The following APOE variants were observed in gnomAD, a reference collection of about 807,000 sequenced individuals.
The protein encoded by APOE is apolipoprotein E.
Under a neutral mutation model 13.1 loss-of-function variants are expected in APOE, and 10 were observed. The observed-to-expected ratio is 0.76, with a 90% CI of 0.47 to 1.29. APOE has a LOEUF of 1.29. Among genes scored for constraint, APOE ranks in the 50% most tolerant of loss-of-function variants. APOE has a pLI of 0.00. For missense variants in APOE, 471 were observed against 459.6 expected, an observed-to-expected ratio of 1.02 and a Z score of -0.23; for synonymous variants, 211 against 207.1, an observed-to-expected ratio of 1.02 and a Z score of -0.16.
chr19:44,906,650 T>C lies in APOE; in HGVS notation c.26T>C (p.Leu9Pro), dbSNP rs779278130. MKVLWAAL[L>P]VTFLAGCQAK... is the part of the protein sequence containing the mutation. The stretch of plus-strand genomic sequence containing the variant: ...ATGAAGGTTCTGTGGGCTGCGTTGC[T>C]GGTCACATTCCTGGCAGGTATGGGG... Residue 9 changes from leucine to proline, a missense_variant, in exon 2 of 4, where the codon CTG becomes CCG. Physicochemically the swap from Leu to Pro is moderately conservative, Grantham distance 98. Coordinates refer to ENST00000252486, the MANE Select transcript of APOE (RefSeq NM_000041.4). 1 of 1,614,044 alleles carries C rather than the reference T, an allele frequency of 6.2e-7. No homozygotes were observed. The highest frequency in any genetic ancestry group is 8.5e-7 in the Non-Finnish European group (1 of 1,179,994).
In APOE at chr19:44,907,787, T is replaced by TGGAGACAGAGCC. The variant is rs749018009; in HGVS notation, c.76_87dup (p.Thr26_Glu29dup). On this transcript the variant is annotated inframe_insertion, in exon 3 of 4. Transcript: ENST00000252486. The surrounding 1 kb of genome is among the most constrained non-coding windows in gnomAD (Gnocchi z 4.1). ...TGCCAGGCCAAGGTGGAGCAAGCGG[T>TGGAGACAGAGCC]GGAGACAGAGCCGGAGCCCGAGCTG... 11 of 1,613,030 alleles carry TGGAGACAGAGCC rather than the reference T, an allele frequency of 6.8e-6. No individual in the cohort carries two copies. The South Asian group carries it at 1.2e-4, about 18-fold the overall frequency.
rs1334600571 is a variant in APOE at position 44,908,558 on chromosome 19, G to A, written c.262G>A (p.Glu88Lys). 1 of 1,613,768 alleles carries A rather than the reference G, an allele frequency of 6.2e-7. No individual in the cohort carries two copies. Among genetic ancestry groups the A allele is most frequent in the Non-Finnish European group, 8.5e-7 (1 of 1,179,736 alleles). ...LRALMDETMK[E>K]LKAYKSELEE... ...GGCGCTGATGGACGAGACCATGAAG[G>A]AGTTGAAGGCCTACAAATCGGAACT... The change falls in exon 4 of 4, where the codon GAG becomes AAG. Residue 88 changes from glutamate to lysine, a missense_variant. Coordinates refer to ENST00000252486, the MANE Select transcript of APOE (RefSeq NM_000041.4).
At position 44,908,884 on chromosome 19, in the gene APOE, C is replaced by A. The variant is rs992491839; in HGVS notation, c.588C>A (p.Arg196=). The change falls in exon 4 of 4, where the codon CGC becomes CGA. Residue 196 remains arginine, a synonymous_variant. Coordinates refer to ENST00000252486, the MANE Select transcript of APOE (RefSeq NM_000041.4). ...EGAERGLSAI[R]ERLGPLVEQG... ...CCGAGCGCGGCCTCAGCGCCATCCG[C>A]GAGCGCCTGGGGCCCCTGGTGGAAC... The A allele has an allele frequency of 1.3e-6, 2 of 1,488,814 alleles. No homozygotes were observed. Among genetic ancestry groups the A allele is most frequent in the African/African-American group, 2.9e-5 (2 of 68,932 alleles). 92.2% of individuals were successfully genotyped at this position (1,488,814 alleles called of 1,614,324 possible).
Position 44,909,360 on chromosome 19 carries a change from C to T in APOE, c.*110C>T, listed in dbSNP as rs1969894080. On this transcript the variant is annotated 3_prime_UTR_variant, in exon 4 of 4. Transcript: ENST00000252486. ...CCCCAGCCGTCCTCCTGGGGTGGAC[C>T]CTAGTTTAATAAAGATTCACCAAGT... The T allele has an allele frequency of 1.0e-6, 1 of 1,004,268 alleles. No homozygotes were observed. Among genetic ancestry groups the T allele is most frequent in the Admixed American group, 2.1e-5 (1 of 48,690 alleles). The allele number at this position is 1,004,268 out of a possible 1,614,324, so 62.2% of individuals were successfully genotyped here.
In APOE at chr19:44,909,196, G is replaced by C. The variant is rs780067631; in HGVS notation, c.900G>C (p.Lys300Asn). The change falls in exon 4 of 4, where the codon AAG becomes AAC. Residue 300 changes from lysine (K) to asparagine (N), a missense_variant. Physicochemically the swap from Lys to Asn is moderately conservative, Grantham distance 94. Coordinates refer to ENST00000252486, the MANE Select transcript of APOE (RefSeq NM_000041.4). The stretch of plus-strand genomic sequence containing the variant: ...GCCAGTGGGCCGGGCTGGTGGAGAA[G>C]GTGCAGGCTGCCGTGGGCACCAGCG... Reference protein sequence around the residue: ...MQRQWAGLVEKVQAAVGTSAA... With the variant: ...MQRQWAGLVENVQAAVGTSAA... 1.9e-6 allele frequency: 3 copies of C among 1,597,864 alleles called. No individual in the cohort carries two copies. Among genetic ancestry groups the C allele is most frequent in the Non-Finnish European group, 2.5e-6 (3 of 1,178,866 alleles).
chr19:44,908,504 G>C lies in APOE; in HGVS notation c.237-29G>C, dbSNP rs369705950. On this transcript the variant is annotated intron_variant, in intron 3 of 3. Coordinates refer to ENST00000252486, the MANE Select transcript of APOE (RefSeq NM_000041.4). Reference sequence around the variant, plus strand: ...AGCCCTTCTCCCCGCCTCCCACTGTGCGACACCCTCCCGCCCTCTCGGCCG... The same window carrying C: ...AGCCCTTCTCCCCGCCTCCCACTGTCCGACACCCTCCCGCCCTCTCGGCCG... The C allele has an allele frequency of 2.1e-5, 34 of 1,609,858 alleles. No individual in the cohort carries two copies. The Middle Eastern group carries it at 6.6e-4, about 31-fold the overall frequency.
In APOE at chr19:44,909,021, G is replaced by T; in HGVS notation, c.725G>T (p.Arg242Leu). The T allele has an allele frequency of 6.5e-7, 1 of 1,539,964 alleles. No homozygotes were observed. The change falls in exon 4 of 4, where the codon CGG (arginine) becomes CTG (leucine). Residue 242 changes from arginine (R) to leucine (L), a missense_variant. Transcript: ENST00000252486. The stretch of plus-strand genomic sequence containing the variant: ...GCGCGGATGGAGGAGATGGGCAGCC[G>T]GACCCGCGACCGCCTGGACGAGGTG... Reference protein sequence around the residue: ...LRARMEEMGSRTRDRLDEVKE... With the variant: ...LRARMEEMGSLTRDRLDEVKE...
intron 1 of APOE, 143 bp downstream of exon 1, chr19:44,905,984 A>G (rs996148304): frequency 1.6e-6 from 2 of 1,225,612 alleles, no homozygotes; most frequent in Non-Finnish European, 2.1e-6. Flanking sequence ...GGGTGAGGCA[A>G]GCAGCAGGGG....
chr19:44,909,322 G>A lies in APOE; in HGVS notation c.*72G>A. On this transcript the variant is annotated 3_prime_UTR_variant, in exon 4 of 4. Coordinates refer to ENST00000252486, the MANE Select transcript of APOE (RefSeq NM_000041.4). ...TGCCTCCGCGCAGCCTGCAGCGGGA[G>A]ACCCTGTCCCCGCCCCAGCCGTCCT... 1 of 1,436,908 alleles carries A rather than the reference G, an allele frequency of 7.0e-7. No individual in the cohort carries two copies. Among genetic ancestry groups the A allele is most frequent in the Non-Finnish European group, 9.6e-7 (1 of 1,039,460 alleles). The allele number at this position is 1,436,908 out of a possible 1,614,324, so 89.0% of individuals were successfully genotyped here.
chr19:44,906,635 TG>T lies in APOE; in HGVS notation c.12del (p.Trp5GlyfsTer74). On this transcript the variant is annotated frameshift_variant, in exon 2 of 4. Coordinates refer to ENST00000252486, the MANE Select transcript of APOE (RefSeq NM_000041.4). LOFTEE classifies it high-confidence loss of function. MKVLWAALLVTFLA... is the reference protein window; with the variant it reads MKVXWAALLVTFLA... ...ATCACAGGCAGGAAGATGAAGGTTC[TG>T]TGGGCTGCGTTGCTGGTCACATTCC... 1 of 1,614,124 alleles carries T rather than the reference TG, an allele frequency of 6.2e-7. No homozygotes were observed. The highest frequency in any genetic ancestry group is 8.5e-7 in the Non-Finnish European group (1 of 1,180,016).
At chr19:44,908,408 C>T (rs1969850336) in intron 3 of APOE, 125 bp from the exon 4 acceptor site, 3 of 939,370 alleles carry the variant, frequency 3.2e-6, no homozygotes, top group African/African-American at 1.6e-5. Context: ...CTCCTTCTCT[C>T]GGCCTCTGCC....
At chr19:44,906,283 G>A in intron 1 of APOE, 1 of 465,420 alleles carries the variant, frequency 2.1e-6, no homozygotes, top group South Asian at 2.2e-5. Context: ...AGAATGTGAA[G>A]GGAGAATGAG....
chr19:44,906,950 G>A (rs1969820509), intron 2 of APOE: 1 of 474,346 alleles, frequency 2.1e-6, no homozygotes, highest in East Asian at 3.9e-5. Context: ...GCGGGATCTC[G>A]GCTCACTGCA....
In APOE at chr19:44,908,675, G is replaced by C; in HGVS notation, c.379G>C (p.Glu127Gln). The stretch of plus-strand genomic sequence containing the variant: ...GCAGGCCCGGCTGGGCGCGGACATG[G>C]AGGACGTGTGCGGCCGCCTGGTGCA... ...AAQARLGADM[E>Q]DVCGRLVQYR... The change falls in exon 4 of 4, where the codon GAG becomes CAG. Residue 127 changes from glutamate to glutamine, a missense_variant. Transcript: ENST00000252486. 2.5e-6 allele frequency: 4 copies of C among 1,575,384 alleles called. No homozygotes were observed. In the South Asian group the frequency reaches 3.4e-5, roughly 14 times the overall value.
Position 44,909,144 on chromosome 19 carries a change from TC to T in APOE, c.849del (p.Phe283LeufsTer?). ...EAFQARLKSW[F>X]EPLVEDMQRQ... is the part of the protein sequence containing the mutation. ...TTCCAGGCCCGCCTCAAGAGCTGGTTCGAGCCCCTGGTGGAAGACATGCAGC... is the reference window on the plus strand; with the variant it reads ...TTCCAGGCCCGCCTCAAGAGCTGGTTGAGCCCCTGGTGGAAGACATGCAGC... On this transcript the variant is annotated frameshift_variant, in exon 4 of 4. Coordinates refer to ENST00000252486, the MANE Select transcript of APOE (RefSeq NM_000041.4). LOFTEE classifies it low-confidence loss of function (END_TRUNC). 1.9e-6 allele frequency: 3 copies of T among 1,601,628 alleles called. No homozygotes were observed. The African/African-American group carries it at 4.0e-5, about 21-fold the overall frequency.
chr19:44,908,739 C>T lies in APOE; in HGVS notation c.443C>T (p.Thr148Ile), dbSNP rs1032082950. The change falls in exon 4 of 4, where the codon ACC becomes ATC. Residue 148 changes from threonine (T) to isoleucine (I), a missense_variant. By Grantham distance (89) the Thr-to-Ile change is moderately conservative. Coordinates refer to ENST00000252486, the MANE Select transcript of APOE (RefSeq NM_000041.4). ...GEVQAMLGQS[T>I]EELRVRLASH... The stretch of plus-strand genomic sequence containing the variant: ...GTGCAGGCCATGCTCGGCCAGAGCA[C>T]CGAGGAGCTGCGGGTGCGCCTCGCC... 1 of 1,560,472 alleles carries T rather than the reference C, an allele frequency of 6.4e-7. No individual in the cohort carries two copies. The highest frequency in any genetic ancestry group is 8.7e-7 in the Non-Finnish European group (1 of 1,153,456).
In APOE at chr19:44,906,541, G is replaced by A. The variant is rs1332317512; in HGVS notation, c.-23-61G>A. Reference sequence around the variant, plus strand: ...TAACCTGGGGTGAGGCCGGGTTGGGGCCGGGCTGGGGGTGGGAGGAGTCCT... The same window carrying A: ...TAACCTGGGGTGAGGCCGGGTTGGGACCGGGCTGGGGGTGGGAGGAGTCCT... On this transcript the variant is annotated intron_variant, in intron 1 of 3. Coordinates refer to ENST00000252486, the MANE Select transcript of APOE (RefSeq NM_000041.4). 35 of 1,592,626 alleles carry A rather than the reference G, an allele frequency of 2.2e-5. No homozygotes were observed. In the East Asian group the frequency reaches 7.1e-4, roughly 33 times the overall value.
Position 44,909,261 on chromosome 19 carries a change from C to A in APOE, c.*11C>A, listed in dbSNP as rs1479479578. On this transcript the variant is annotated 3_prime_UTR_variant, in exon 4 of 4. Coordinates refer to ENST00000252486, the MANE Select transcript of APOE (RefSeq NM_000041.4). ...AGCGACAATCACTGAACGCCGAAGC[C>A]TGCAGCCATGCGACCCCACGCCACC... 1 of 1,595,658 alleles carries A rather than the reference C, an allele frequency of 6.3e-7. No individual in the cohort carries two copies. Among genetic ancestry groups the A allele is most frequent in the Non-Finnish European group, 8.5e-7 (1 of 1,178,936 alleles).
Position 44,905,830 on chromosome 19 carries a change from C to A in APOE, c.-35C>A. ...CCCAGCGGAGGTGAAGGACGTCCTT[C>A]CCCAGGAGCCGGTGAGAAGCGCAGT... On this transcript the variant is annotated 5_prime_UTR_variant, in exon 1 of 4. Coordinates refer to ENST00000252486, the MANE Select transcript of APOE (RefSeq NM_000041.4). 1 of 1,296,318 alleles carries A rather than the reference C, an allele frequency of 7.7e-7. No homozygotes were observed. 80.3% of individuals were successfully genotyped at this position (1,296,318 alleles called of 1,614,324 possible).
Sources: allele counts gnomAD v4.1 joint callset, GRCh38; gene constraint gnomAD v4.1.1; non-coding constraint Gnocchi (gnomAD v3.1); transcripts MANE v1.5; gene names NCBI Gene and HGNC (gene_info 2026-07-23, HGNC 2026-07-21).